The following PPP6R2 variants were observed in gnomAD, a reference collection of about 807,000 sequenced individuals.
The protein encoded by PPP6R2 is serine/threonine-protein phosphatase 6 regulatory subunit 2.
PPP6R2 carries 62 observed loss-of-function variants against 100.2 expected under a neutral mutation model. That is an observed-to-expected ratio of 0.62 (90% CI 0.50 to 0.76). The LOEUF is 0.76. Ranked by LOEUF, PPP6R2 falls within the 30% of genes least tolerant of loss-of-function variation. The pLI, the probability that PPP6R2 is intolerant of heterozygous loss-of-function variation, is 0.00. For missense variants in PPP6R2, 1,142 were observed against 1,276.3 expected (o/e 0.89, Z 1.60); for synonymous variants, 525 against 514.7 (o/e 1.02, Z -0.27).
rs2273253 is a variant in PPP6R2, at chr22:50,435,113, G to A, written c.1516+32G>A. On this transcript the variant is annotated intron_variant, in intron 13 of 23. Transcript: ENST00000612753. ...CCCCAACCCGGTCATCCTTCTGCTG[G>A]TCGCGGGCACCGGGACCCCGAAGGA... 187 of 1,477,294 alleles carry A rather than the reference G, an allele frequency of 1.3e-4. No homozygotes were observed. The East Asian group carries it at 4.6e-3, about 37-fold the overall frequency. The allele number at this position is 1,477,294 out of a possible 1,614,324, so 91.5% of individuals were successfully genotyped here. A position where few individuals can be genotyped will look rare whatever the true frequency, so the allele number is the denominator to read the frequency against.
intron 1 of PPP6R2, among the ~76,000 whole-genome samples, chr22:50,346,801 C>T (rs1484786063): frequency 7.5e-6 from 1 of 133,502 alleles, no homozygotes; most frequent in Non-Finnish European, 1.6e-5. Context: ...CAGAGTCCCG[C>T]ATCCCTGTCC....
At chr22:50,389,072 GA>G (rs2054875220) in intron 2 of PPP6R2, 1 of 152,164 alleles carries the variant, frequency 6.6e-6, no homozygotes, top group Non-Finnish European at 1.5e-5. Flanking sequence ...CCTGAAAAAG[GA>G]AAGAAGCTGA....
rs748979895 is a variant in PPP6R2 at position 50,423,626 on chromosome 22, C to T, written c.1125+12C>T. On this transcript the variant is annotated intron_variant, in intron 10 of 23. Coordinates refer to ENST00000612753, the MANE Select transcript of PPP6R2 (RefSeq NM_001242898.2). This position sits in a 1 kb window ranked among gnomAD's most constrained non-coding sequence, Gnocchi z 4.8. ...TGGACTTACTGCTGGTAAGTGGGCC[C>T]CTCAGCCAGCCCTGCATGTCTGTGA... The T allele has an allele frequency of 5.0e-6, 8 of 1,613,744 alleles. No homozygotes were observed. The Admixed American group carries it at 1.0e-4, about 20-fold the overall frequency.
intron 17 of PPP6R2, 32 bp from the exon 18 acceptor site, chr22:50,438,142 C>T (rs2064808519): frequency 1.3e-6 from 2 of 1,595,934 alleles, no homozygotes; most frequent in Non-Finnish European, 1.7e-6. Flanking sequence ...CCCAGACCCT[C>T]TGGAAACTCA....
At chr22:50,437,481 C>CCCCA in intron 15 of PPP6R2, 25 bp from the exon 16 acceptor site, 2 of 547,222 alleles carry the variant, frequency 3.7e-6, no homozygotes, top group Non-Finnish European at 7.1e-6. Flanking sequence ...GTCTGTCCGT[C>CCCCA]CCTCCCTCCC....
intron 2 of PPP6R2, among the ~76,000 whole-genome samples, chr22:50,381,392 ACGGGCCCCACC>A (rs2052973075): frequency 1.3e-5 from 1 of 74,596 alleles, no homozygotes; most frequent in African/African-American, 7.2e-5. Context: ...TCAGCATCAC[ACGGGCCCCACC>A]TCAGCACCAC....
At chr22:50,354,080 G>A (rs28682977) in intron 1 of PPP6R2, among the ~76,000 whole-genome samples, 27 of 152,164 alleles carry the variant, frequency 1.8e-4, no homozygotes, top group African/African-American at 5.5e-4. Context: ...CGAGGTGGGC[G>A]GATCACCTGG....
At chr22:50,346,990 C>A (rs1400381065) in intron 1 of PPP6R2, among the ~76,000 whole-genome samples, 1 of 151,478 alleles carries the variant, frequency 6.6e-6, no homozygotes, top group Non-Finnish European at 1.5e-5. Flanking sequence ...ATGTCCCCAC[C>A]TGTCATTGAT....
chr22:50,385,647 C>T (rs2054073219), intron 2 of PPP6R2, among the ~76,000 whole-genome samples: 1 of 149,958 alleles, frequency 6.7e-6, no homozygotes, highest in African/African-American at 2.5e-5. Context: ...TCCTGAGTAG[C>T]TGGGATTATA....
At chr22:50,443,621 G>A in intron 22 of PPP6R2, 1 of 569,266 alleles carries the variant, frequency 1.8e-6, no homozygotes. Flanking sequence ...GGATCTGAGT[G>A]CTGCCTGGAG....
intron 5 of PPP6R2, among the ~76,000 whole-genome samples, chr22:50,415,817 C>T (rs1273158899): frequency 6.6e-6 from 1 of 152,232 alleles, no homozygotes; most frequent in East Asian, 1.9e-4. Context: ...CATTTGCACC[C>T]TGGTCCTTAA....
chr22:50,440,745 G>A, intron 21 of PPP6R2, 77 bp from the exon 22 acceptor site: 1 of 1,511,900 alleles, frequency 6.6e-7, no homozygotes, highest in Non-Finnish European at 9.1e-7. Context: ...CACATGTATG[G>A]GGACCCTATG....
At chr22:50,407,763 T>G (rs2059175345) in intron 4 of PPP6R2, among the ~76,000 whole-genome samples, 1 of 152,244 alleles carries the variant, frequency 6.6e-6, no homozygotes, top group Admixed American at 6.5e-5. Flanking sequence ...GCCTGCACCC[T>G]GCAGTCCGCC....
At chr22:50,410,056 C>T (rs905489306) in intron 4 of PPP6R2, among the ~76,000 whole-genome samples, 9 of 151,968 alleles carry the variant, frequency 5.9e-5, no homozygotes, top group East Asian at 5.8e-4. Flanking sequence ...TATTTTTTTT[C>T]TTTTCTATTT....
rs1162575676 is a variant in PPP6R2 at position 50,414,706 on chromosome 22, C to A, written c.552+17C>A. On this transcript the variant is annotated intron_variant, in intron 5 of 23. Coordinates refer to ENST00000612753, the MANE Select transcript of PPP6R2 (RefSeq NM_001242898.2). ...GTCCTGCACGTGAGTGCGGGAGTCC[C>A]CCCCCGTTCCCGAGGGCAGGGGTGC... The A allele has an allele frequency of 6.2e-7, 1 of 1,604,356 alleles. No individual in the cohort carries two copies. The highest frequency in any genetic ancestry group is 8.5e-7 in the Non-Finnish European group (1 of 1,175,814).
intron 1 of PPP6R2, among the ~76,000 whole-genome samples, chr22:50,369,541 A>T (rs943357435): frequency 5.3e-5 from 8 of 151,608 alleles, no homozygotes; most frequent in Non-Finnish European, 8.8e-5. Context: ...ATTTTATTTT[A>T]TTTTTTGAGA....
chr22:50,416,894 T>G (rs2060620415), intron 6 of PPP6R2, among the ~76,000 whole-genome samples: 1 of 150,386 alleles, frequency 6.6e-6, no homozygotes, highest in Non-Finnish European at 1.5e-5. Flanking sequence ...AAGGGGAGCT[T>G]GCAGTGAGCC....
At chr22:50,347,331 C>G (rs1263700133) in intron 1 of PPP6R2, among the ~76,000 whole-genome samples, 1 of 152,094 alleles carries the variant, frequency 6.6e-6, no homozygotes, top group Non-Finnish European at 1.5e-5. Flanking sequence ...GCTGTCATCA[C>G]CCCTCTTGTC....
chr22:50,381,833 G>A (rs1304114403), intron 2 of PPP6R2, among the ~76,000 whole-genome samples: 9 of 151,732 alleles, frequency 5.9e-5, no homozygotes, highest in African/African-American at 1.5e-4. Flanking sequence ...GCGTGAACCC[G>A]GGAGGCGGAG....
Sources: gnomAD v4.1 joint callset for allele counts (sites outside exome capture counted in the v4.1 genomes callset) on GRCh38, gnomAD v4.1.1 for gene constraint, Gnocchi (gnomAD v3.1) non-coding constraint, MANE v1.5 for transcripts, NCBI Gene and HGNC (gene_info 2026-07-23, HGNC 2026-07-21) for gene names.